The following SLC8A1 variants were observed in gnomAD, a reference collection of about 807,000 sequenced individuals.
SLC8A1 encodes the protein solute carrier family 8 member A1, also known as sodium/calcium exchanger 1.
In SLC8A1, 18 loss-of-function variants were observed where a neutral mutation model predicts 68.3. The ratio of observed to expected loss-of-function variants is 0.26; its 90% CI spans 0.18 to 0.39. The LOEUF is 0.39. Ranked by LOEUF, SLC8A1 falls within the 10% of genes least tolerant of loss-of-function variation. The probability of loss-of-function intolerance (pLI) is 1.00; values close to 1 mark genes in which losing one functional copy is unlikely to be tolerated. For synonymous variants in SLC8A1, 475 were observed against 415.5 expected, an observed-to-expected ratio of 1.14 and a Z score of -1.74; for missense variants, 985 against 1,156.7, an observed-to-expected ratio of 0.85 and a Z score of 2.15.
At chr2:40,109,653 G>C (rs1327420406) in exon 8 of SLC8A1, 1 of 152,158 alleles carries the variant, frequency 6.6e-6, no homozygotes, top group Non-Finnish European at 1.5e-5. Flanking sequence ...GTAATAGTGA[G>C]CATCACTAAG....
At position 40,149,616 on chromosome 2, in the gene SLC8A1, G is replaced by C. The variant is rs146151980; in HGVS notation, c.2162-9940C>G. ...AAGCTTTGGGAGGCAAGTGTGACAA[G>C]ATGGAAAGAGGATTGACTTGGGAAT... is the stretch of plus-strand genomic sequence containing the variant. On this transcript the variant is annotated intron_variant, in intron 6 of 7. Coordinates refer to ENST00000406785, the Ensembl canonical transcript of SLC8A1. 4.3e-4 allele frequency among the ~76,000 whole-genome samples: 66 copies of C among 152,330 alleles called. No individual in the cohort carries two copies. The East Asian group carries it at 0.012, about 28-fold the overall frequency.
rs1672294835 is a variant in SLC8A1 at position 40,355,177 on chromosome 2, C to A, written c.1808+73296G>T. ...TTTGGCTGCAGAAACCCCTTCTCCC[C>A]CAAAAGCAATCAAGAGTCTGATACT... On this transcript the variant is annotated intron_variant, in intron 2 of 7. Transcript: ENST00000406785. Among the ~76,000 whole-genome samples the A allele has an allele frequency of 3.9e-5, 6 of 152,066 alleles. No homozygotes were observed. In the South Asian group the frequency reaches 1.0e-3, roughly 26 times the overall value.
rs150755884 is a variant in SLC8A1 at position 40,277,719 on chromosome 2, A to C, written c.1809-99864T>G. Among the ~76,000 whole-genome samples, 891 of 149,990 alleles carry C rather than the reference A, an allele frequency of 5.9e-3. 6 individuals are homozygous for C. Among genetic ancestry groups the C allele is most frequent in the African/African-American group, 0.02 (832 of 41,012 alleles). On this transcript the variant is annotated intron_variant, in intron 2 of 7. Transcript: ENST00000406785. ...TCAATAATACTTATCATTTGACTAC[A>C]TAAATAAACCAAAAACTAGGAACAA...
chr2:40,142,123 A>C (rs187801391), intron 6 of SLC8A1, among the ~76,000 whole-genome samples: 1 of 152,116 alleles, frequency 6.6e-6, no homozygotes, highest in Non-Finnish European at 1.5e-5. Flanking sequence ...AGGAACAATT[A>C]CTCAGTGTTT....
chr2:40,111,329 A>G (rs1436753500), exon 8 of SLC8A1: 1 of 152,166 alleles, frequency 6.6e-6, no homozygotes. Context: ...ATATAAAGAA[A>G]TAGAGGTTGG....
chr2:40,123,194 T>C (rs957754842), intron 7 of SLC8A1: 8 of 152,352 alleles, frequency 5.3e-5, no homozygotes, highest in Admixed American at 2.0e-4. Flanking sequence ...AGATAACTGA[T>C]ACATTTGACA....
At chr2:40,437,915 G>A (rs1337251032) in intron 1 of SLC8A1, among the ~76,000 whole-genome samples, 2 of 152,130 alleles carry the variant, frequency 1.3e-5, no homozygotes, top group Non-Finnish European at 2.9e-5. Flanking sequence ...ATCAAGGAGT[G>A]AGTCCCTTCT....
chr2:40,234,206 T>A (rs1574455513), intron 2 of SLC8A1, among the ~76,000 whole-genome samples: 1 of 152,040 alleles, frequency 6.6e-6, no homozygotes, highest in Non-Finnish European at 1.5e-5. Flanking sequence ...GCCATTTTCA[T>A]GATATTGATT....
chr2:40,253,431 T>C (rs2063326925), intron 2 of SLC8A1, among the ~76,000 whole-genome samples: 2 of 151,844 alleles, frequency 1.3e-5, no homozygotes, highest in Admixed American at 1.3e-4. Context: ...TATGCTAATT[T>C]GAAATAAGCA....
chr2:40,490,653 T>C (rs1705256429), intron 1 of SLC8A1, among the ~76,000 whole-genome samples: 1 of 152,074 alleles, frequency 6.6e-6, no homozygotes, highest in Admixed American at 6.6e-5. Flanking sequence ...GTAGGAGTAG[T>C]GGATTCACAA....
At chr2:40,371,669 C>T (rs138511242) in intron 2 of SLC8A1, among the ~76,000 whole-genome samples, 1 of 152,202 alleles carries the variant, frequency 6.6e-6, no homozygotes, top group African/African-American at 2.4e-5. Flanking sequence ...GGAGATAGAA[C>T]AGAGACACAT....
chr2:40,419,373 G>C (rs1316423393), intron 2 of SLC8A1, among the ~76,000 whole-genome samples: 1 of 152,132 alleles, frequency 6.6e-6, no homozygotes, highest in Non-Finnish European at 1.5e-5. Context: ...GTTTGCGTGA[G>C]CAAGAGTATG....
chr2:40,207,672 C>T (rs2055729991), intron 2 of SLC8A1, among the ~76,000 whole-genome samples: 1 of 151,860 alleles, frequency 6.6e-6, no homozygotes, highest in African/African-American at 2.4e-5. Context: ...CATAATGTCC[C>T]CATATTACAG....
At chr2:40,274,245 C>T (rs1373331220) in intron 2 of SLC8A1, among the ~76,000 whole-genome samples, 1 of 149,478 alleles carries the variant, frequency 6.7e-6, no homozygotes, top group Non-Finnish European at 1.5e-5. Context: ...AACCTGGGTA[C>T]AGCATCTTAT....
chr2:40,170,435 C>T (rs1042402508), intron 4 of SLC8A1, 86 bp from the exon 7 acceptor site: 2 of 1,140,384 alleles, frequency 1.8e-6, no homozygotes, highest in Non-Finnish European at 2.6e-6. Context: ...AGCTAAACAT[C>T]ACACCCAGAT....
intron 1 of SLC8A1, among the ~76,000 whole-genome samples, chr2:40,471,001 G>T (rs1160118287): frequency 6.6e-6 from 1 of 152,090 alleles, no homozygotes; most frequent in African/African-American, 2.4e-5. Flanking sequence ...ATTACTATGA[G>T]CTCTACAACC....
intron 2 of SLC8A1, among the ~76,000 whole-genome samples, chr2:40,380,662 C>T (rs898815471): frequency 1.3e-5 from 2 of 152,000 alleles, no homozygotes; most frequent in African/African-American, 4.8e-5. Flanking sequence ...TGATGAGTGC[C>T]TTAATTATGT....
intron 2 of SLC8A1, among the ~76,000 whole-genome samples, chr2:40,250,122 C>T (rs932967179): frequency 6.6e-6 from 1 of 151,868 alleles, no homozygotes; most frequent in South Asian, 2.1e-4. Flanking sequence ...ATTGTGATGA[C>T]AAATAAATAA....
intron 2 of SLC8A1, among the ~76,000 whole-genome samples, chr2:40,247,672 A>T (rs1333089365): frequency 6.6e-6 from 1 of 152,238 alleles, no homozygotes; most frequent in Non-Finnish European, 1.5e-5. Flanking sequence ...TTTTGTTAAT[A>T]CATTAACAGT....
Sources: allele counts gnomAD v4.1 joint callset (sites outside exome capture counted in the v4.1 genomes callset), GRCh38; gene constraint gnomAD v4.1.1; transcripts MANE v1.5; gene names NCBI Gene and HGNC (gene_info 2026-07-23, HGNC 2026-07-21).